The following RHOJ variants were observed in gnomAD, a reference collection of about 807,000 sequenced individuals.
RHOJ encodes the protein ras homolog family member J, also known as rho-related GTP-binding protein RhoJ.
A neutral mutation model predicts 23.4 loss-of-function variants in RHOJ; 11 were observed. That is an observed-to-expected ratio of 0.47 (90% CI 0.30 to 0.78). RHOJ has a LOEUF of 0.78. RHOJ is among the 30% of genes least tolerant of loss of function. The pLI is 0.08. For synonymous variants in RHOJ, 102 were observed against 102.7 expected (o/e 0.99, Z 0.04); for missense variants, 254 against 273.4 (o/e 0.93, Z 0.50).
intron 4 of RHOJ, among the ~76,000 whole-genome samples, chr14:63,286,850 C>G (rs1056403532): frequency 2.0e-5 from 3 of 152,236 alleles, no homozygotes; most frequent in African/African-American, 7.2e-5. Context: ...GCAAATCTGT[C>G]TGGCCTAGAA....
intron 2 of RHOJ, among the ~76,000 whole-genome samples, chr14:63,277,836 C>T (rs1221601338): frequency 2.6e-5 from 4 of 152,056 alleles, no homozygotes; most frequent in Non-Finnish European, 4.4e-5. Flanking sequence ...GGGAACACTC[C>T]AGAGAGAAAA....
rs1028828360 is a variant in RHOJ at position 63,292,203 on chromosome 14, A to AT, written c.*1183dup. 3.3e-5 allele frequency: 5 copies of AT among 151,958 alleles called. No individual in the cohort carries two copies. Among genetic ancestry groups the AT allele is most frequent in the Non-Finnish European group, 7.4e-5 (5 of 68,002 alleles). The allele number at this position is 151,958 out of a possible 1,614,324, so 9.4% of individuals were successfully genotyped here. ...TTTTCCAGTTACAACTGGTACTGAG[A>AT]TTTTGCCTCTCTCTTTCCTTACTCA... On this transcript the variant is annotated 3_prime_UTR_variant, in exon 5 of 5. Coordinates refer to ENST00000316754, the MANE Select transcript of RHOJ (RefSeq NM_020663.5).
In RHOJ at chr14:63,291,125, C is replaced by T. The variant is rs775204423; in HGVS notation, c.*101C>T. The T allele has an allele frequency of 2.9e-6, 4 of 1,379,226 alleles. No homozygotes were observed. The highest frequency in any genetic ancestry group is 4.6e-5 in the East Asian group (2 of 43,500). The allele number at this position is 1,379,226 out of a possible 1,614,324, so 85.4% of individuals were successfully genotyped here. A position where few individuals can be genotyped will look rare whatever the true frequency, so the allele number is the denominator to read the frequency against. Reference sequence around the variant, plus strand: ...AAAGGAGGGCACGACCAGAAAGGAACTCCCTTTGCACGGAGGCTTGCCCCA... The same window carrying T: ...AAAGGAGGGCACGACCAGAAAGGAATTCCCTTTGCACGGAGGCTTGCCCCA... On this transcript the variant is annotated 3_prime_UTR_variant, in exon 5 of 5. Transcript: ENST00000316754.
At chr14:63,269,748 ACTTTGTC>A (rs1895432566) in intron 2 of RHOJ, among the ~76,000 whole-genome samples, 1 of 152,206 alleles carries the variant, frequency 6.6e-6, no homozygotes, top group Admixed American at 6.5e-5. Flanking sequence ...AAATATTCTC[ACTTTGTC>A]AGGACTGTTT....
intron 1 of RHOJ, among the ~76,000 whole-genome samples, chr14:63,219,645 G>A (rs995702799): frequency 3.3e-5 from 5 of 151,964 alleles, no homozygotes; most frequent in South Asian, 4.2e-4. Flanking sequence ...GTGAAACCCT[G>A]TCTCTACTAA....
intron 1 of RHOJ, among the ~76,000 whole-genome samples, chr14:63,259,865 T>C (rs921880404): frequency 3.9e-5 from 6 of 151,930 alleles, no homozygotes; most frequent in Admixed American, 3.9e-4. Flanking sequence ...AAAAGATAAA[T>C]GAAATAAATA....
chr14:63,287,161 C>A (rs1469601530), intron 4 of RHOJ, among the ~76,000 whole-genome samples: 1 of 152,166 alleles, frequency 6.6e-6, no homozygotes, highest in Non-Finnish European at 1.5e-5. Context: ...CAGCTTTGCC[C>A]ATTTATTCAT....
At chr14:63,251,073 AG>A (rs1334769084) in intron 1 of RHOJ, among the ~76,000 whole-genome samples, 1 of 152,148 alleles carries the variant, frequency 6.6e-6, no homozygotes, top group Non-Finnish European at 1.5e-5. Flanking sequence ...AAAATTAAAA[AG>A]TTAAAAAAAT....
intron 2 of RHOJ, among the ~76,000 whole-genome samples, chr14:63,276,632 G>A (rs927365729): frequency 6.6e-6 from 1 of 152,130 alleles, no homozygotes; most frequent in Non-Finnish European, 1.5e-5. Context: ...CCAGAATACA[G>A]AGCACGGTGA....
At chr14:63,219,438 GA>G (rs1454281554) in intron 1 of RHOJ, among the ~76,000 whole-genome samples, 1 of 151,802 alleles carries the variant, frequency 6.6e-6, no homozygotes, top group Non-Finnish European at 1.5e-5. Flanking sequence ...TACTAATCAA[GA>G]AAAATTGTTT....
intron 1 of RHOJ, among the ~76,000 whole-genome samples, chr14:63,247,069 A>G (rs1362739746): frequency 1.3e-5 from 2 of 152,256 alleles, no homozygotes; most frequent in African/African-American, 2.4e-5. Context: ...TCAGAAAGAC[A>G]TGGAGCTAGG....
chr14:63,204,838 A>G lies in RHOJ; in HGVS notation c.-32A>G. The G allele has an allele frequency of 6.3e-7, 1 of 1,587,488 alleles. No homozygotes were observed. The highest frequency in any genetic ancestry group is 8.6e-7 in the Non-Finnish European group (1 of 1,165,024). ...TGGAAAAAGCAGGAGAAGCAATAGC[A>G]GCAGGAGTCCCCAGCAGCTGGAGCC... is the stretch of plus-strand genomic sequence containing the variant. On this transcript the variant is annotated 5_prime_UTR_variant, in exon 1 of 5. Coordinates refer to ENST00000316754, the MANE Select transcript of RHOJ (RefSeq NM_020663.5).
intron 2 of RHOJ, among the ~76,000 whole-genome samples, chr14:63,277,966 A>ACACACACACACACACAC (rs1555348905): frequency 7.1e-6 from 1 of 141,408 alleles, no homozygotes; most frequent in African/African-American, 2.7e-5. Flanking sequence ...CAGCTACACA[A>ACACACACACACACACAC]ACACACACAC....
chr14:63,204,786 A>G lies in RHOJ; in HGVS notation c.-84A>G, dbSNP rs111607696. On this transcript the variant is annotated 5_prime_UTR_variant, in exon 1 of 5. Transcript: ENST00000316754. The stretch of plus-strand genomic sequence containing the variant: ...CAGACAGAGTAAACTCAAGCCTGGC[A>G]CTGGCTTTCTGCCGCTTCATGTGCT... 9,637 of 1,410,056 alleles carry G rather than the reference A, an allele frequency of 6.8e-3. 497 individuals carry two copies. The African/African-American group carries it at 0.11, about 17-fold the overall frequency. The allele number at this position is 1,410,056 out of a possible 1,614,324, so 87.3% of individuals were successfully genotyped here. A position where few individuals can be genotyped will look rare whatever the true frequency, so the allele number is the denominator to read the frequency against.
At chr14:63,254,177 A>G (rs1457459741) in intron 1 of RHOJ, among the ~76,000 whole-genome samples, 2 of 152,198 alleles carry the variant, frequency 1.3e-5, no homozygotes, top group African/African-American at 4.8e-5. Context: ...CAAACACTCC[A>G]TCACTGTCTA....
rs932367560 is a variant in RHOJ at position 63,204,531 on chromosome 14, A to G, written c.-339A>G. On this transcript the variant is annotated 5_prime_UTR_variant, in exon 1 of 5. Transcript: ENST00000316754. ...ATTCCACCGTATCTTTTGCCAGGCT[A>G]GAGACAGGGAGAGCAGAGTAAAACC... 1 of 260,188 alleles carries G rather than the reference A, an allele frequency of 3.8e-6. No individual in the cohort carries two copies. The highest frequency in any genetic ancestry group is 2.2e-5 in the African/African-American group (1 of 44,602). The allele number at this position is 260,188 out of a possible 1,614,324, so 16.1% of individuals were successfully genotyped here.
At chr14:63,218,492 T>C (rs149290762) in intron 1 of RHOJ, among the ~76,000 whole-genome samples, 144 of 152,348 alleles carry the variant, frequency 9.5e-4, no homozygotes, top group African/African-American at 3.2e-3. Context: ...GTAATGAATA[T>C]GGTATCATTT....
At chr14:63,225,840 G>C (rs1392948280) in intron 1 of RHOJ, among the ~76,000 whole-genome samples, 1 of 152,058 alleles carries the variant, frequency 6.6e-6, no homozygotes, top group Non-Finnish European at 1.5e-5. Context: ...TATAAAAGAG[G>C]TTCAGAAAAA....
chr14:63,259,737 C>A (rs1484532674), intron 1 of RHOJ, among the ~76,000 whole-genome samples: 4 of 152,072 alleles, frequency 2.6e-5, no homozygotes, highest in African/African-American at 9.7e-5. Flanking sequence ...AATCAGCAGA[C>A]ATGAATATTT....
Sources: gnomAD v4.1 joint callset for allele counts (sites outside exome capture counted in the v4.1 genomes callset) on GRCh38, gnomAD v4.1.1 for gene constraint, MANE v1.5 for transcripts, NCBI Gene and HGNC (gene_info 2026-07-23, HGNC 2026-07-21) for gene names.